ASB18: variants seen among roughly 807,000 people sequenced by gnomAD.
ASB18 encodes ankyrin repeat and SOCS box protein 18.
ASB18 carries 33 observed loss-of-function variants against 33.4 expected under a neutral mutation model. The observed-to-expected ratio is 0.99, with a 90% CI of 0.75 to 1.32. The LOEUF (loss-of-function observed/expected upper bound fraction) is 1.32. Ranked by LOEUF, ASB18 falls within the 40% of genes most tolerant of loss-of-function variation. The pLI is 0.00. For synonymous variants in ASB18, 295 were observed against 307.6 expected (o/e 0.96, Z 0.43); for missense variants, 694 against 655.5 (o/e 1.06, Z -0.64).
rs2060517144 is a variant in ASB18 at position 236,222,514 on chromosome 2, T to A, written c.597-7648A>T. On this transcript the variant is annotated intron_variant, in intron 3 of 5. Transcript: ENST00000409749. This position sits in a 1 kb window ranked among gnomAD's most constrained non-coding sequence, Gnocchi z 5.5. ...AAAATGATTTAGTGAACAAGATTTG[T>A]ACAGTCAGCTCCACTGTGTGCCCCA... Among the ~76,000 whole-genome samples the A allele has an allele frequency of 6.6e-6, 1 of 152,234 alleles. No individual in the cohort carries two copies. Among genetic ancestry groups the A allele is most frequent in the Admixed American group, 6.5e-5 (1 of 15,284 alleles).
In ASB18 at chr2:236,216,832, C is replaced by A. The variant is rs1033678039; in HGVS notation, c.597-1966G>T. On this transcript the variant is annotated intron_variant, in intron 3 of 5. Transcript: ENST00000409749. This position sits in a 1 kb window ranked among gnomAD's most constrained non-coding sequence, Gnocchi z 6.1. Reference sequence around the variant, plus strand: ...TTCAGGACCCAGGACACATCATGATCCAGCTCCTGGGGGCTCACCGGGTTC... The same window carrying A: ...TTCAGGACCCAGGACACATCATGATACAGCTCCTGGGGGCTCACCGGGTTC... Among the ~76,000 whole-genome samples, 3 of 152,322 alleles carry A rather than the reference C, an allele frequency of 2.0e-5. No individual in the cohort carries two copies. Among genetic ancestry groups the A allele is most frequent in the Non-Finnish European group, 2.9e-5 (2 of 68,036 alleles).
rs1410220849 is a variant in ASB18 at position 236,200,027 on chromosome 2, T to C, written c.1102-3642A>G. 2.6e-5 allele frequency among the ~76,000 whole-genome samples: 4 copies of C among 152,174 alleles called. No homozygotes were observed. Among genetic ancestry groups the C allele is most frequent in the South Asian group, 2.1e-4 (1 of 4,828 alleles). On this transcript the variant is annotated intron_variant, in intron 4 of 5. Coordinates refer to ENST00000409749, the MANE Select transcript of ASB18 (RefSeq NM_212556.4). This position sits in a 1 kb window ranked among gnomAD's most constrained non-coding sequence, Gnocchi z 4.2. ...CATTTTAAAGAAATTTAGCATTGCA[T>C]AGATAACAGTCAAGGTCCATTAGAA... is the stretch of plus-strand genomic sequence containing the variant.
At position 236,257,802 on chromosome 2, in the gene ASB18, G is replaced by A. The variant is rs2060699927; in HGVS notation, c.205+6339C>T. 6.6e-6 allele frequency among the ~76,000 whole-genome samples: 1 copy of A among 152,176 alleles called. No individual in the cohort carries two copies. Among genetic ancestry groups the A allele is most frequent in the South Asian group, 2.1e-4 (1 of 4,826 alleles). On this transcript the variant is annotated intron_variant, in intron 1 of 5. Transcript: ENST00000409749. This position sits in a 1 kb window ranked among gnomAD's most constrained non-coding sequence, Gnocchi z 5.5. ...CTGTGGGATGAACTACAGGTGCCGT[G>A]GAGCACGGGAAAGGGCACTGGGTTT...
chr2:236,216,439 A>G lies in ASB18; in HGVS notation c.597-1573T>C, dbSNP rs1255297787. On this transcript the variant is annotated intron_variant, in intron 3 of 5. Coordinates refer to ENST00000409749, the MANE Select transcript of ASB18 (RefSeq NM_212556.4). The surrounding 1 kb of genome is among the most constrained non-coding windows in gnomAD (Gnocchi z 6.1). ...AACAGCTGTTGCCTCCCTCTTCCCC[A>G]GGCCTAAGGAAGGCACTCCCTCTTG... Among the ~76,000 whole-genome samples, 1 of 152,012 alleles carries G rather than the reference A, an allele frequency of 6.6e-6. No homozygotes were observed. The highest frequency in any genetic ancestry group is 1.9e-4 in the East Asian group (1 of 5,194).
At position 236,205,493 on chromosome 2, in the gene ASB18, T is replaced by C. The variant is rs546366607; in HGVS notation, c.1101+8869A>G. 4.6e-5 allele frequency among the ~76,000 whole-genome samples: 7 copies of C among 152,358 alleles called. No individual in the cohort carries two copies. The East Asian group carries it at 1.3e-3, about 29-fold the overall frequency. ...GCCTTCCACCCTTTTAATTTCTCTATAGTCCTTATCACTTTTTTGGTCTGT... is the reference window on the plus strand; with the variant it reads ...GCCTTCCACCCTTTTAATTTCTCTACAGTCCTTATCACTTTTTTGGTCTGT... On this transcript the variant is annotated intron_variant, in intron 4 of 5. Transcript: ENST00000409749. This position sits in a 1 kb window ranked among gnomAD's most constrained non-coding sequence, Gnocchi z 5.4.
chr2:236,207,201 G>A (rs971937619), intron 4 of ASB18, among the ~76,000 whole-genome samples: 3 of 152,302 alleles, frequency 2.0e-5, no homozygotes, highest in East Asian at 1.9e-4. Context: ...AAGGGTCTGA[G>A]GGCACACGGG....
Position 236,245,066 on chromosome 2 carries a change from A to G in ASB18, c.206-3664T>C, listed in dbSNP as rs1434555781. On this transcript the variant is annotated intron_variant, in intron 1 of 5. Coordinates refer to ENST00000409749, the MANE Select transcript of ASB18 (RefSeq NM_212556.4). This position sits in a 1 kb window ranked among gnomAD's most constrained non-coding sequence, Gnocchi z 4.7. ...GTGCTGTGAAAGCTGAGGGGCTCAC[A>G]TGGGTGAGAGTCAACCTCAGCTGGG... Among the ~76,000 whole-genome samples the G allele has an allele frequency of 7.5e-4, 114 of 152,144 alleles. No individual in the cohort carries two copies. Among genetic ancestry groups the G allele is most frequent in the Non-Finnish European group, 8.8e-5 (6 of 68,020 alleles).
In ASB18 at chr2:236,244,587, A is replaced by T. The variant is rs1455950348; in HGVS notation, c.206-3185T>A. Among the ~76,000 whole-genome samples, 1 of 152,130 alleles carries T rather than the reference A, an allele frequency of 6.6e-6. No individual in the cohort carries two copies. The highest frequency in any genetic ancestry group is 1.5e-5 in the Non-Finnish European group (1 of 68,014). ...TCTTCTCTCTCAGTCTTCTCTGCAC[A>T]CAAAGGCTGCCTTGTGACTCCCCCT... On this transcript the variant is annotated intron_variant, in intron 1 of 5. Transcript: ENST00000409749. This position sits in a 1 kb window ranked among gnomAD's most constrained non-coding sequence, Gnocchi z 6.1.
chr2:236,231,185 G>T lies in ASB18; in HGVS notation c.596+6504C>A, dbSNP rs1398113808. ...TTTGGTGAATAAATTACAGAAGATT[G>T]TAAATTCCATCTTGCAAGCAGATTG... On this transcript the variant is annotated intron_variant, in intron 3 of 5. Transcript: ENST00000409749. The surrounding 1 kb of genome is among the most constrained non-coding windows in gnomAD (Gnocchi z 5.5). 6.6e-6 allele frequency among the ~76,000 whole-genome samples: 1 copy of T among 152,144 alleles called. No individual in the cohort carries two copies. The highest frequency in any genetic ancestry group is 1.5e-5 in the Non-Finnish European group (1 of 68,032).
At position 236,245,674 on chromosome 2, in the gene ASB18, G is replaced by A. The variant is rs190529540; in HGVS notation, c.206-4272C>T. 9.2e-5 allele frequency among the ~76,000 whole-genome samples: 14 copies of A among 152,084 alleles called. No homozygotes were observed. The highest frequency in any genetic ancestry group is 1.5e-4 in the Non-Finnish European group (10 of 68,032). ...TTGCACTCTGACTGTGGCACTGGGC[G>A]CTCTACTATTACTGCTGGTTCCTTG... is the stretch of plus-strand genomic sequence containing the variant. On this transcript the variant is annotated intron_variant, in intron 1 of 5. Transcript: ENST00000409749. The surrounding 1 kb of genome is among the most constrained non-coding windows in gnomAD (Gnocchi z 4.7).
At chr2:236,201,258 C>T (rs1413009466) in intron 4 of ASB18, among the ~76,000 whole-genome samples, 1 of 152,038 alleles carries the variant, frequency 6.6e-6, no homozygotes, top group Non-Finnish European at 1.5e-5. Flanking sequence ...CTGAAGCGAA[C>T]CTCCCACCTC....
intron 4 of ASB18, among the ~76,000 whole-genome samples, chr2:236,199,811 T>G (rs2060391467): frequency 6.6e-6 from 1 of 152,152 alleles, no homozygotes; most frequent in Non-Finnish European, 1.5e-5. Flanking sequence ...CTTGGGAATA[T>G]TTTAACAAGT....
Position 236,264,129 on chromosome 2 carries a change from C to T in ASB18, c.205+12G>A, listed in dbSNP as rs369181985. The T allele has an allele frequency of 1.5e-5, 24 of 1,612,290 alleles. No homozygotes were observed. The highest frequency in any genetic ancestry group is 8.9e-5 in the East Asian group (4 of 44,888). ...AATTAAATCCCAGATGCAGCAGGCT[C>T]GTTCTGGTTACCTAGCAGCATGCCG... On this transcript the variant is annotated intron_variant, in intron 1 of 5. Transcript: ENST00000409749. This position sits in a 1 kb window ranked among gnomAD's most constrained non-coding sequence, Gnocchi z 5.1.
chr2:236,240,365 C>T (rs900252993), intron 2 of ASB18, among the ~76,000 whole-genome samples: 3 of 152,224 alleles, frequency 2.0e-5, no homozygotes, highest in Non-Finnish European at 2.9e-5. Context: ...ATAAACAGAA[C>T]TGTGTCAGTT....
chr2:236,196,444 G>C lies in ASB18; in HGVS notation c.1102-59C>G. On this transcript the variant is annotated intron_variant, in intron 4 of 5. Transcript: ENST00000409749. The surrounding 1 kb of genome is among the most constrained non-coding windows in gnomAD (Gnocchi z 5.6). ...CGACTGGGTTCTGGGTCTCAGTGGG[G>C]AAAGGGTGGGGGGTGTGGGGGGATG... The C allele has an allele frequency of 2.3e-6, 2 of 862,346 alleles. No homozygotes were observed. Among genetic ancestry groups the C allele is most frequent in the Non-Finnish European group, 3.8e-6 (2 of 525,548 alleles). The allele number at this position is 862,346 out of a possible 1,614,324, so 53.4% of individuals were successfully genotyped here. A position where few individuals can be genotyped will look rare whatever the true frequency, so the allele number is the denominator to read the frequency against.
rs528495077 is a variant in ASB18 at position 236,253,303 on chromosome 2, G to C, written c.205+10838C>G. ...CCAGAGTTTCTCAAGCACCCGAGGT[G>C]AGGGACCAGGGATTTTCTTTTCTGA... On this transcript the variant is annotated intron_variant, in intron 1 of 5. Coordinates refer to ENST00000409749, the MANE Select transcript of ASB18 (RefSeq NM_212556.4). This position sits in a 1 kb window ranked among gnomAD's most constrained non-coding sequence, Gnocchi z 5.4. Among the ~76,000 whole-genome samples, 27 of 152,306 alleles carry C rather than the reference G, an allele frequency of 1.8e-4. No homozygotes were observed. The highest frequency in any genetic ancestry group is 5.8e-4 in the African/African-American group (24 of 41,560).
chr2:236,209,552 T>C lies in ASB18; in HGVS notation c.1101+4810A>G, dbSNP rs776901593. Among the ~76,000 whole-genome samples, 28 of 152,214 alleles carry C rather than the reference T, an allele frequency of 1.8e-4. No homozygotes were observed. Among genetic ancestry groups the C allele is most frequent in the Non-Finnish European group, 3.2e-4 (22 of 68,032 alleles). On this transcript the variant is annotated intron_variant, in intron 4 of 5. Transcript: ENST00000409749. The surrounding 1 kb of genome is among the most constrained non-coding windows in gnomAD (Gnocchi z 4.4). ...GTGCTAGGATTATAGGCGTGAGCTA[T>C]TGCCTCTGGCCTAGAATCTGTTATT...
In ASB18 at chr2:236,204,820, G is replaced by A. The variant is rs1278880386; in HGVS notation, c.1102-8435C>T. On this transcript the variant is annotated intron_variant, in intron 4 of 5. Coordinates refer to ENST00000409749, the MANE Select transcript of ASB18 (RefSeq NM_212556.4). This position sits in a 1 kb window ranked among gnomAD's most constrained non-coding sequence, Gnocchi z 5.1. The stretch of plus-strand genomic sequence containing the variant: ...AAAAACTGAACTCCCTTGTTCACCA[G>A]GTCCCAACCTGCTGTGCCACCCATA... Among the ~76,000 whole-genome samples the A allele has an allele frequency of 6.7e-6, 1 of 149,610 alleles. No homozygotes were observed. Among genetic ancestry groups the A allele is most frequent in the African/African-American group, 2.5e-5 (1 of 40,424 alleles).
rs2060636520 is a variant in ASB18, at chr2:236,244,736, T to A, written c.206-3334A>T. ...CCCTTTCACCAAGATCTTCTATAAC[T>A]AAGGAGTGCTCAGCAAAGGGAGACC... On this transcript the variant is annotated intron_variant, in intron 1 of 5. Coordinates refer to ENST00000409749, the MANE Select transcript of ASB18 (RefSeq NM_212556.4). The surrounding 1 kb of genome is among the most constrained non-coding windows in gnomAD (Gnocchi z 6.1). Among the ~76,000 whole-genome samples the A allele has an allele frequency of 6.6e-6, 1 of 152,114 alleles. No homozygotes were observed. The highest frequency in any genetic ancestry group is 1.5e-5 in the Non-Finnish European group (1 of 68,012).
Sources: gnomAD v4.1 joint callset for allele counts (sites outside exome capture counted in the v4.1 genomes callset) on GRCh38, gnomAD v4.1.1 for gene constraint, Gnocchi (gnomAD v3.1) non-coding constraint, MANE v1.5 for transcripts, NCBI Gene and HGNC (gene_info 2026-07-23, HGNC 2026-07-21) for gene names.